Variants in KRIT1 observed in about 807,000 individuals in gnomAD.
KRIT1 encodes krev interaction trapped protein 1.
Under a neutral mutation model 95.8 loss-of-function variants are expected in KRIT1, and 45 were observed. That is an observed-to-expected ratio of 0.47 (90% CI 0.37 to 0.60). KRIT1 has a LOEUF of 0.60. KRIT1 is among the 20% of genes least tolerant of loss of function. The probability of loss-of-function intolerance (pLI) is 0.00; values close to 1 mark genes in which losing one functional copy is unlikely to be tolerated. For missense variants in KRIT1, 788 were observed against 877.5 expected, an observed-to-expected ratio of 0.90 and a Z score of 1.29; for synonymous variants, 282 against 278.8, an observed-to-expected ratio of 1.01 and a Z score of -0.11.
chr7:92,221,832 T>C (rs1329190104), intron 14 of KRIT1, 70 bp downstream of exon 14: 17 of 1,323,586 alleles, frequency 1.3e-5, no homozygotes, highest in Non-Finnish European at 1.8e-5. Flanking sequence ...TTTCTGCCTC[T>C]AGTGCTTACA....
At chr7:92,242,167 A>C in intron 3 of KRIT1, 30 bp from the exon 4 acceptor site, 1 of 1,272,652 alleles carries the variant, frequency 7.9e-7, no homozygotes. Flanking sequence ...AAATCCTTTG[A>C]AAGATTAAAT....
chr7:92,210,629 A>T (rs901777859), intron 17 of KRIT1, among the ~76,000 whole-genome samples: 1 of 152,242 alleles, frequency 6.6e-6, no homozygotes, highest in Non-Finnish European at 1.5e-5. Context: ...CTAGGCAAAG[A>T]TTTTATGGTT....
At chr7:92,221,844 TAGA>T in intron 14 of KRIT1, 55 bp downstream of exon 14, 1 of 1,470,378 alleles carries the variant, frequency 6.8e-7, no homozygotes, top group Non-Finnish European at 9.4e-7. Context: ...GTGCTTACAA[TAGA>T]AACTCAACAG....
intron 14 of KRIT1, among the ~76,000 whole-genome samples, chr7:92,218,392 T>G (rs1451007426): frequency 6.6e-6 from 1 of 151,766 alleles, no homozygotes; most frequent in Non-Finnish European, 1.5e-5. Context: ...CTACTTTTTT[T>G]TTTTTTTTGA....
chr7:92,217,586 T>G (rs1209710502), intron 14 of KRIT1, among the ~76,000 whole-genome samples: 1 of 152,250 alleles, frequency 6.6e-6, no homozygotes, highest in Non-Finnish European at 1.5e-5. Flanking sequence ...TGTTGTCACA[T>G]GTATCATAAC....
chr7:92,238,123 T>C (rs1383575506), intron 5 of KRIT1, among the ~76,000 whole-genome samples: 2 of 152,228 alleles, frequency 1.3e-5, no homozygotes, highest in Non-Finnish European at 2.9e-5. Flanking sequence ...TATTCTGGCA[T>C]ATGTAAGTTT....
chr7:92,237,995 A>C (rs909579750), intron 5 of KRIT1, among the ~76,000 whole-genome samples: 6 of 152,174 alleles, frequency 3.9e-5, no homozygotes, highest in Admixed American at 2.0e-4. Context: ...CTTCCTAAGC[A>C]TAGCTAGGAA....
Position 92,234,809 on chromosome 7 carries a change from T to C in KRIT1, c.844A>G (p.Lys282Glu). The change falls in exon 9 of 19, where the codon AAG (lysine) becomes GAG (glutamate). Residue 282 changes from lysine to glutamate, a missense_variant and splice_region_variant. Around this residue, in one of 3 missense-constraint regions of KRIT1, gnomAD observed 493 missense variants for 582.3 expected, o/e 0.85. Coordinates refer to ENST00000394505, the MANE Select transcript of KRIT1 (RefSeq NM_194454.3). ...TGTGGAGTAAAACCGAAACAGTACTTGTCTTCTGTGACACTGCTCATGCTT... is the reference window on the plus strand; with the variant it reads ...TGTGGAGTAAAACCGAAACAGTACTCGTCTTCTGTGACACTGCTCATGCTT... ...QRSMSSVTED[K>E]ERQWVDDFPL... is the part of the protein sequence containing the mutation. 7 of 1,554,784 alleles carry C rather than the reference T, an allele frequency of 4.5e-6. No homozygotes were observed. Among genetic ancestry groups the C allele is most frequent in the Non-Finnish European group, 6.2e-6 (7 of 1,125,914 alleles).
chr7:92,219,896 T>C (rs1179399774), intron 14 of KRIT1, among the ~76,000 whole-genome samples: 1 of 152,250 alleles, frequency 6.6e-6, no homozygotes, highest in Non-Finnish European at 1.5e-5. Context: ...GCTATTTTAA[T>C]GGACTTCTTA....
chr7:92,231,342 T>C (rs894017976), intron 10 of KRIT1, among the ~76,000 whole-genome samples: 1 of 152,224 alleles, frequency 6.6e-6, no homozygotes, highest in African/African-American at 2.4e-5. Flanking sequence ...TATATAGGTA[T>C]TGTTATTTTT....
chr7:92,224,971 A>C (rs1175848371), intron 12 of KRIT1, among the ~76,000 whole-genome samples: 4 of 151,934 alleles, frequency 2.6e-5, no homozygotes, highest in Admixed American at 1.3e-4. Context: ...CATCCTAGCT[A>C]ACAGTGAAAC....
At chr7:92,199,260 T>C (rs1036906510), downstream of KRIT1, 1 of 152,216 alleles carries the variant, frequency 6.6e-6, no homozygotes, top group African/African-American at 2.4e-5. Flanking sequence ...AAATCAGGCT[T>C]TCTTGTTAAC....
In KRIT1 at chr7:92,213,321, A is replaced by G; in HGVS notation, c.1899T>C (p.Pro633=). ...CTGTGAAAAATGCTGCTCCATAAGT[A>G]GGAATTTCCCAGCAATTCTGTAAGA... ...RMFLQNCWEI[P]TYGAAFFTGQ... is the part of the protein sequence containing the mutation. The change falls in exon 17 of 19, where the codon CCT becomes CCC. Residue 633 remains proline, a synonymous_variant. Transcript: ENST00000394505. The G allele has an allele frequency of 6.2e-7, 1 of 1,613,598 alleles. No homozygotes were observed. Among genetic ancestry groups the G allele is most frequent in the Non-Finnish European group, 8.5e-7 (1 of 1,179,544 alleles).
chr7:92,211,074 A>T (rs1185900632), intron 17 of KRIT1, among the ~76,000 whole-genome samples: 2 of 151,992 alleles, frequency 1.3e-5, no homozygotes, highest in Non-Finnish European at 2.9e-5. Flanking sequence ...TTTTATACAG[A>T]GTTAGTGGGA....
At chr7:92,213,782 T>G in intron 16 of KRIT1, 110 bp downstream of exon 16, 1 of 727,566 alleles carries the variant, frequency 1.4e-6, no homozygotes, top group Non-Finnish European at 2.5e-6. Context: ...AAGATACATT[T>G]TTAATTTCAG....
chr7:92,211,288 T>C (rs1792753938), intron 17 of KRIT1, among the ~76,000 whole-genome samples: 1 of 152,130 alleles, frequency 6.6e-6, no homozygotes, highest in Non-Finnish European at 1.5e-5. Context: ...TCCCAACAGA[T>C]GAATGAATAA....
intron 17 of KRIT1, 36 bp from the exon 18 acceptor site, chr7:92,201,459 A>C (rs746615421): frequency 1.0e-6 from 1 of 1,001,748 alleles, no homozygotes; most frequent in East Asian, 2.4e-5. Context: ...ATTGAAATAC[A>C]TATTAAAAAC....
At chr7:92,216,584 T>C (rs1336731845) in intron 14 of KRIT1, among the ~76,000 whole-genome samples, 2 of 152,146 alleles carry the variant, frequency 1.3e-5, no homozygotes, top group East Asian at 3.8e-4. Flanking sequence ...TAGGTAGAGA[T>C]GTCCTTATTC....
At chr7:92,244,179 T>C (rs1348197711) in intron 2 of KRIT1, 30 bp from the exon 3 acceptor site, 2 of 152,228 alleles carry the variant, frequency 1.3e-5, no homozygotes, top group East Asian at 3.8e-4. Context: ...AGACATTGTA[T>C]TGTGAATACA....
Sources: allele counts gnomAD v4.1 joint callset (sites outside exome capture counted in the v4.1 genomes callset), GRCh38; gene constraint gnomAD v4.1.1; regional missense constraint gnomAD v4.1.1; transcripts MANE v1.5; gene names NCBI Gene and HGNC (gene_info 2026-07-23, HGNC 2026-07-21).